Variants in XKR6 observed in about 807,000 individuals in gnomAD.
The protein encoded by XKR6 is XK related 6.
XKR6 carries 22 observed loss-of-function variants against 56.7 expected under a neutral mutation model. The observed-to-expected ratio is 0.39, with a 90% CI of 0.28 to 0.55. The LOEUF is 0.55. Ranked by LOEUF, XKR6 falls within the 20% of genes least tolerant of loss-of-function variation. The pLI is 0.66. For synonymous variants in XKR6, 524 were observed against 387.8 expected, an observed-to-expected ratio of 1.35 and a Z score of -4.13; for missense variants, 852 against 889.0, an observed-to-expected ratio of 0.96 and a Z score of 0.53.
chr8:11,155,935 G>A (rs575452709), intron 1 of XKR6, among the ~76,000 whole-genome samples: 4 of 152,306 alleles, frequency 2.6e-5, no homozygotes, highest in African/African-American at 9.6e-5. Context: ...CTGATGCAAT[G>A]AAGGAGGCGC....
intron 2 of XKR6, among the ~76,000 whole-genome samples, chr8:10,912,318 A>G (rs1350643627): frequency 3.1e-5 from 3 of 97,478 alleles, no homozygotes; most frequent in South Asian, 3.3e-4. Context: ...ATATATATAT[A>G]TATATATATA....
chr8:11,201,569 G>C lies in XKR6; in HGVS notation c.-230C>G, dbSNP rs1204492411. The stretch of plus-strand genomic sequence containing the variant: ...ATCGCACGGCGCCCGCAGCTCCCCA[G>C]CCCTACCCTCCCGGCCAAGATGGCC... On this transcript the variant is annotated 5_prime_UTR_variant, in exon 1 of 3. Coordinates refer to ENST00000416569, the MANE Select transcript of XKR6 (RefSeq NM_173683.4). Among the ~76,000 whole-genome samples, 1 of 152,068 alleles carries C rather than the reference G, an allele frequency of 6.6e-6. No homozygotes were observed. The highest frequency in any genetic ancestry group is 2.4e-5 in the African/African-American group (1 of 41,428).
chr8:10,915,769 G>A (rs1344323424), intron 2 of XKR6, among the ~76,000 whole-genome samples: 1 of 152,226 alleles, frequency 6.6e-6, no homozygotes, highest in Non-Finnish European at 1.5e-5. Flanking sequence ...AAAATGAGAG[G>A]AGAAACACAG....
Position 10,992,264 on chromosome 8 carries a change from G to A in XKR6, c.765-67434C>T, listed in dbSNP as rs898420525. Among the ~76,000 whole-genome samples, 3 of 146,060 alleles carry A rather than the reference G, an allele frequency of 2.1e-5. No homozygotes were observed. The East Asian group carries it at 5.8e-4, about 28-fold the overall frequency. On this transcript the variant is annotated intron_variant, in intron 1 of 2. Transcript: ENST00000416569. ...AACCATAAACTAACTCTCTCTCTCT[G>A]TCTCTCTGTCTCTCTCTCTCTCTCA...
At chr8:11,038,288 A>AGAAAATTAC (rs1288328719) in intron 1 of XKR6, among the ~76,000 whole-genome samples, 2 of 152,208 alleles carry the variant, frequency 1.3e-5, no homozygotes, top group Non-Finnish European at 2.9e-5. Flanking sequence ...TTTAAATGTT[A>AGAAAATTAC]GAAAATTACT....
chr8:11,039,704 G>A (rs991046535), intron 1 of XKR6, among the ~76,000 whole-genome samples: 2 of 152,230 alleles, frequency 1.3e-5, no homozygotes, highest in African/African-American at 4.8e-5. Context: ...ATTCCCATCT[G>A]TACTCGCCCC....
At chr8:11,068,748 C>G (rs1228349455) in intron 1 of XKR6, among the ~76,000 whole-genome samples, 3 of 152,220 alleles carry the variant, frequency 2.0e-5, no homozygotes, top group African/African-American at 7.2e-5. Context: ...ACCCAGCCAG[C>G]TGGACACTGA....
intron 1 of XKR6, among the ~76,000 whole-genome samples, chr8:11,178,618 TACACACACAA>T (rs1802801510): frequency 7.7e-6 from 1 of 130,310 alleles, no homozygotes; most frequent in African/African-American, 3.8e-5. Context: ...TATATATATA[TACACACACAA>T]ATATATATAT....
chr8:11,093,523 G>A (rs779424650), intron 1 of XKR6, among the ~76,000 whole-genome samples: 20 of 152,256 alleles, frequency 1.3e-4, no homozygotes, highest in Admixed American at 9.2e-4. Context: ...CTTAGTGCCC[G>A]GCCACATCCT....
At chr8:11,118,016 C>T (rs1352841956) in intron 1 of XKR6, among the ~76,000 whole-genome samples, 1 of 152,006 alleles carries the variant, frequency 6.6e-6, no homozygotes, top group African/African-American at 2.4e-5. Flanking sequence ...TACACCAGCA[C>T]CAACTTTTTG....
chr8:10,989,100 G>T (rs943760400), intron 1 of XKR6, among the ~76,000 whole-genome samples: 2 of 152,234 alleles, frequency 1.3e-5, no homozygotes, highest in East Asian at 1.9e-4. Flanking sequence ...ACAGTGGAGT[G>T]ATGTCTGCAG....
intron 1 of XKR6, among the ~76,000 whole-genome samples, chr8:10,971,798 C>G (rs1195919984): frequency 6.6e-6 from 1 of 152,212 alleles, no homozygotes; most frequent in Non-Finnish European, 1.5e-5. Flanking sequence ...CCACCTCGTC[C>G]TCTTGCTCAG....
intron 1 of XKR6, chr8:11,137,967 C>CT (rs1800492169): frequency 9.1e-6 from 3 of 328,092 alleles, no homozygotes; most frequent in South Asian, 5.0e-5. Flanking sequence ...CTCATTCTCT[C>CT]TAATGCCCTG....
chr8:11,040,359 TAAAAAA>T (rs143219123), intron 1 of XKR6, among the ~76,000 whole-genome samples: 3 of 107,334 alleles, frequency 2.8e-5, no homozygotes, highest in African/African-American at 6.5e-5. Context: ...TCATGTCTGC[TAAAAAA>T]AAAAAAAAAA....
chr8:11,170,579 G>A (rs569759787), intron 1 of XKR6, among the ~76,000 whole-genome samples: 19 of 152,258 alleles, frequency 1.2e-4, no homozygotes, highest in African/African-American at 4.6e-4. Flanking sequence ...TGGATGCAGG[G>A]TTTCTTTTTT....
intron 1 of XKR6, among the ~76,000 whole-genome samples, chr8:10,987,031 C>G (rs552647931): frequency 6.6e-6 from 1 of 152,108 alleles, no homozygotes; most frequent in African/African-American, 2.4e-5. Flanking sequence ...TTCAAGTGAT[C>G]CTCCCACTTC....
intron 1 of XKR6, among the ~76,000 whole-genome samples, chr8:10,960,109 T>G (rs1802016136): frequency 6.6e-6 from 1 of 152,226 alleles, no homozygotes. Flanking sequence ...ATTAAAGATC[T>G]CTTCCAATCA....
intron 1 of XKR6, among the ~76,000 whole-genome samples, chr8:10,958,063 G>C (rs150753734): frequency 2.5e-4 from 38 of 152,350 alleles, no homozygotes; most frequent in Non-Finnish European, 4.7e-4. Flanking sequence ...GTGATCTTCA[G>C]TAAGTCACTT....
chr8:11,124,879 T>C (rs947417985), intron 1 of XKR6: 7 of 150,350 alleles, frequency 4.7e-5, no homozygotes, highest in Admixed American at 1.3e-4. Context: ...GCTCAGGAGA[T>C]TGAGACCATC....
Sources: gnomAD v4.1 joint callset for allele counts (sites outside exome capture counted in the v4.1 genomes callset) on GRCh38, gnomAD v4.1.1 for gene constraint, MANE v1.5 for transcripts, NCBI Gene and HGNC (gene_info 2026-07-23, HGNC 2026-07-21) for gene names.